Variants in FMN2 observed in about 807,000 individuals in gnomAD.
The protein encoded by FMN2 is formin 2.
A neutral mutation model predicts 142.3 loss-of-function variants in FMN2; 51 were observed. That is an observed-to-expected ratio of 0.36 (90% CI 0.29 to 0.45). FMN2 has a LOEUF of 0.45. Ranked by LOEUF, FMN2 falls within the 20% of genes least tolerant of loss-of-function variation. The pLI is 1.00. For synonymous variants in FMN2, 882 were observed against 869.8 expected (o/e 1.01, Z -0.25); for missense variants, 1,936 against 2,122.8 (o/e 0.91, Z 1.73).
At chr1:240,387,791 T>C (rs965575702) in intron 14 of FMN2, among the ~76,000 whole-genome samples, 1 of 152,148 alleles carries the variant, frequency 6.6e-6, no homozygotes, top group Non-Finnish European at 1.5e-5. Flanking sequence ...TGCATCTCCA[T>C]CCTACTTTGT....
At position 240,092,979 on chromosome 1, in the gene FMN2, C is replaced by A; in HGVS notation, c.870C>A (p.Pro290=). The change falls in exon 1 of 18, where the codon CCC becomes CCA. Residue 290 remains proline, a synonymous_variant. Coordinates refer to ENST00000319653, the MANE Select transcript of FMN2 (RefSeq NM_020066.5). ...PESLAAEPRE[P]QQPPSPGGLP... Reference sequence around the variant, plus strand: ...GCCTGGCCGCCGAGCCCCGGGAGCCCCAGCAACCGCCGTCCCCCGGCGGCC... The same window carrying A: ...GCCTGGCCGCCGAGCCCCGGGAGCCACAGCAACCGCCGTCCCCCGGCGGCC... 6 of 1,406,988 alleles carry A rather than the reference C, an allele frequency of 4.3e-6. No homozygotes were observed. Among genetic ancestry groups the A allele is most frequent in the Non-Finnish European group, 4.6e-6 (5 of 1,089,494 alleles). The allele number at this position is 1,406,988 out of a possible 1,614,324, so 87.2% of individuals were successfully genotyped here.
At chr1:240,119,554 G>T (rs1412073247) in intron 1 of FMN2, among the ~76,000 whole-genome samples, 1 of 152,122 alleles carries the variant, frequency 6.6e-6, no homozygotes, top group Non-Finnish European at 1.5e-5. Context: ...CTGTGCCACC[G>T]CCATCCAGTA....
chr1:240,163,610 G>A (rs1346570823), intron 2 of FMN2, among the ~76,000 whole-genome samples: 1 of 151,912 alleles, frequency 6.6e-6, no homozygotes, highest in Non-Finnish European at 1.5e-5. Flanking sequence ...CTTCAATAAA[G>A]AGCGTAGGTT....
intron 1 of FMN2, among the ~76,000 whole-genome samples, chr1:240,121,638 C>T (rs925382092): frequency 6.7e-6 from 1 of 149,700 alleles, no homozygotes; most frequent in Non-Finnish European, 1.5e-5. Context: ...ATCCGCCAGC[C>T]TCGGCCTCCC....
At chr1:240,221,199 G>A (rs551006250) in intron 6 of FMN2, among the ~76,000 whole-genome samples, 1 of 152,138 alleles carries the variant, frequency 6.6e-6, no homozygotes, top group African/African-American at 2.4e-5. Context: ...CGTCTTTATA[G>A]TAGAATGATT....
In FMN2 at chr1:240,092,390, G is replaced by A. The variant is rs1018712811; in HGVS notation, c.281G>A (p.Arg94His). Residue 94 changes from arginine to histidine, a missense_variant, in exon 1 of 18, where the codon CGC (arginine) becomes CAC (histidine). By Grantham distance (29) the Arg-to-His change is conservative. Around this residue, in one of 8 missense-constraint regions of FMN2, gnomAD observed 751 missense variants for 791.8 expected, o/e 0.95. Coordinates refer to ENST00000319653, the MANE Select transcript of FMN2 (RefSeq NM_020066.5). ...LSKGKGAGGS[R>H]EDVLDSQALQ... ...AAGGGGAAAGGCGCCGGCGGCTCCC[G>A]CGAAGATGTACTGGATTCCCAGGCC... The A allele has an allele frequency of 2.5e-6, 4 of 1,612,486 alleles. No homozygotes were observed. The highest frequency in any genetic ancestry group is 2.2e-5 in the South Asian group (2 of 90,880).
chr1:240,281,278 T>G (rs1669388302), intron 7 of FMN2, among the ~76,000 whole-genome samples: 1 of 152,160 alleles, frequency 6.6e-6, no homozygotes, highest in African/African-American at 2.4e-5. Context: ...TTTTATTGTC[T>G]GTATCTTACA....
chr1:240,472,163 C>T, intron 16 of FMN2: 5 of 486,380 alleles, frequency 1.0e-5, no homozygotes, highest in South Asian at 6.2e-5. Context: ...ACTATGATTC[C>T]AAGTTAAGAA....
intron 6 of FMN2, among the ~76,000 whole-genome samples, chr1:240,211,671 C>T (rs1666697271): frequency 6.6e-6 from 1 of 152,116 alleles, no homozygotes; most frequent in African/African-American, 2.4e-5. Flanking sequence ...GAAGTGGATG[C>T]CATTAGAATC....
intron 15 of FMN2, among the ~76,000 whole-genome samples, chr1:240,434,536 G>GTTTTGTT: frequency 7.0e-6 from 1 of 143,352 alleles, no homozygotes; most frequent in African/African-American, 2.5e-5. Flanking sequence ...GTTTTTTTTT[G>GTTTTGTT]TTTTGTTTTT....
chr1:240,324,284 C>T (rs1671076676), intron 8 of FMN2, among the ~76,000 whole-genome samples: 1 of 152,206 alleles, frequency 6.6e-6, no homozygotes, highest in East Asian at 1.9e-4. Context: ...AGAGCACTGT[C>T]GGATTGAATA....
At chr1:240,348,178 AT>A (rs1281561589) in intron 13 of FMN2, among the ~76,000 whole-genome samples, 1 of 149,600 alleles carries the variant, frequency 6.7e-6, no homozygotes, top group Non-Finnish European at 1.5e-5. Context: ...ATGTATAAGC[AT>A]TTCATTTCCT....
chr1:240,108,488 T>A (rs1408162008), intron 1 of FMN2, among the ~76,000 whole-genome samples: 3 of 152,216 alleles, frequency 2.0e-5, no homozygotes, highest in Non-Finnish European at 4.4e-5. Flanking sequence ...TTATCATTAA[T>A]GTCTTATAAT....
intron 14 of FMN2, among the ~76,000 whole-genome samples, chr1:240,392,129 C>T (rs536276487): frequency 6.7e-5 from 10 of 148,858 alleles, no homozygotes; most frequent in Admixed American, 2.0e-4. Flanking sequence ...TTTTTTTTGA[C>T]GTGTTTACAC....
intron 7 of FMN2, among the ~76,000 whole-genome samples, chr1:240,280,042 A>T (rs1158645567): frequency 1.3e-5 from 2 of 152,158 alleles, no homozygotes; most frequent in Non-Finnish European, 1.5e-5. Flanking sequence ...TTACCCTAAC[A>T]TGTCTAATTT....
At chr1:240,404,658 T>C (rs1405467990) in intron 15 of FMN2, among the ~76,000 whole-genome samples, 1 of 152,188 alleles carries the variant, frequency 6.6e-6, no homozygotes, top group East Asian at 1.9e-4. Flanking sequence ...TCGGGCCGTG[T>C]GGTAAGTTTT....
At chr1:240,467,253 C>A (rs1173313025) in intron 16 of FMN2, among the ~76,000 whole-genome samples, 1 of 149,766 alleles carries the variant, frequency 6.7e-6, no homozygotes, top group Admixed American at 6.8e-5. Context: ...GAACATGGGC[C>A]ATCAACTAAA....
chr1:240,186,335 T>C (rs1048001149), intron 3 of FMN2, among the ~76,000 whole-genome samples: 4 of 152,288 alleles, frequency 2.6e-5, no homozygotes, highest in African/African-American at 9.6e-5. Context: ...ACTCAACAAA[T>C]ATTTTAAGCA....
chr1:240,240,952 T>C (rs1268622415), intron 6 of FMN2, among the ~76,000 whole-genome samples: 1 of 152,252 alleles, frequency 6.6e-6, no homozygotes, highest in Non-Finnish European at 1.5e-5. Flanking sequence ...TAATGTTATT[T>C]TAATTTCAAG....
Sources: gnomAD v4.1 joint callset for allele counts (sites outside exome capture counted in the v4.1 genomes callset) on GRCh38, gnomAD v4.1.1 for gene constraint, gnomAD v4.1.1 regional missense constraint, MANE v1.5 for transcripts, NCBI Gene and HGNC (gene_info 2026-07-23, HGNC 2026-07-21) for gene names.